The following TENM2 variants were observed in gnomAD, a reference collection of about 807,000 sequenced individuals.
The protein encoded by TENM2 is teneurin transmembrane protein 2.
A neutral mutation model predicts 245.2 loss-of-function variants in TENM2; 52 were observed. The observed-to-expected ratio is 0.21, with a 90% CI of 0.17 to 0.27. The LOEUF (loss-of-function observed/expected upper bound fraction) is 0.27. Ranked by LOEUF, TENM2 falls within the 10% of genes least tolerant of loss-of-function variation. TENM2 has a pLI of 1.00. For synonymous variants in TENM2, 1,363 were observed against 1,438.9 expected (o/e 0.95, Z 1.19); for missense variants, 3,046 against 3,666.8 (o/e 0.83, Z 4.37).
At chr5:168,026,652 G>C (rs765495110) in intron 5 of TENM2, among the ~76,000 whole-genome samples, 8 of 152,186 alleles carry the variant, frequency 5.3e-5, no homozygotes, top group Non-Finnish European at 1.0e-4. Flanking sequence ...CAGGAGCACA[G>C]CTATGTTACT....
rs1054128478 is a variant in TENM2, at chr5:167,375,197, G to A, written c.227-1G>A. 1 of 1,551,182 alleles carries A rather than the reference G, an allele frequency of 6.4e-7. No individual in the cohort carries two copies. The highest frequency in any genetic ancestry group is 8.7e-7 in the Non-Finnish European group (1 of 1,146,894). ...CAGCTTCTCTGTCACTGTCACCCTA[G>A]GAACCAACTTCACCCTTGCCGAACT... On this transcript the variant is annotated splice_acceptor_variant, in intron 1 of 28. Transcript: ENST00000518659. LOFTEE classifies it high-confidence loss of function.
At chr5:168,031,187 C>A (rs957034904) in intron 5 of TENM2, among the ~76,000 whole-genome samples, 2 of 152,160 alleles carry the variant, frequency 1.3e-5, no homozygotes, top group African/African-American at 4.8e-5. Context: ...TGAATGGGAT[C>A]GGGGATCTGT....
At chr5:167,492,043 T>C (rs1446211775) in intron 2 of TENM2, among the ~76,000 whole-genome samples, 1 of 152,168 alleles carries the variant, frequency 6.6e-6, no homozygotes, top group African/African-American at 2.4e-5. Flanking sequence ...ATTTTAAAGG[T>C]TAAAAGAGTT....
chr5:167,075,547 G>T, the TENM2 span, among the ~76,000 whole-genome samples: 1 of 152,164 alleles, frequency 6.6e-6, no homozygotes, highest in Non-Finnish European at 1.5e-5. Context: ...AAGTTCAGAG[G>T]ATGAAAGCTT....
intron 2 of TENM2, among the ~76,000 whole-genome samples, chr5:167,563,319 T>G (rs1377228185): frequency 6.6e-6 from 1 of 152,232 alleles, no homozygotes; most frequent in East Asian, 1.9e-4. Context: ...AGCCTTTCCA[T>G]GGTGGCTATT....
At chr5:168,065,528 T>C (rs1790419447) in intron 7 of TENM2, among the ~76,000 whole-genome samples, 1 of 152,180 alleles carries the variant, frequency 6.6e-6, no homozygotes, top group East Asian at 1.9e-4. Context: ...GAAAGCGCAA[T>C]AGAAAGCTAT....
chr5:167,219,976 G>C, the TENM2 span, among the ~76,000 whole-genome samples: 38 of 152,200 alleles, frequency 2.5e-4, no homozygotes, highest in Admixed American at 2.5e-3. Context: ...ATTTGAGGTA[G>C]ATAAACTTGA....
chr5:167,563,948 G>A (rs575799703), intron 2 of TENM2, among the ~76,000 whole-genome samples: 32 of 152,218 alleles, frequency 2.1e-4, no homozygotes, highest in East Asian at 1.6e-3. Flanking sequence ...TGACAAAATC[G>A]CCTAAGGATT....
the TENM2 span, among the ~76,000 whole-genome samples, chr5:167,031,837 T>G: frequency 2.0e-5 from 3 of 152,206 alleles, no homozygotes; most frequent in Admixed American, 6.5e-5. Context: ...AATGTGGGAT[T>G]ACAGGTTTGA....
the TENM2 span, among the ~76,000 whole-genome samples, chr5:167,168,848 C>T: frequency 2.0e-5 from 3 of 152,186 alleles, no homozygotes; most frequent in Admixed American, 1.3e-4. Flanking sequence ...CAACCTCTGC[C>T]TCCTGGATTC....
At chr5:167,628,991 G>C (rs546598170) in intron 2 of TENM2, among the ~76,000 whole-genome samples, 1 of 152,212 alleles carries the variant, frequency 6.6e-6, no homozygotes, top group African/African-American at 2.4e-5. Flanking sequence ...ATAAATTAAT[G>C]ATAATTATCA....
At chr5:167,609,198 C>T (rs1004538610) in intron 2 of TENM2, among the ~76,000 whole-genome samples, 4 of 152,040 alleles carry the variant, frequency 2.6e-5, no homozygotes, top group African/African-American at 9.7e-5. Flanking sequence ...GGGCCAGTCA[C>T]ACACTACCAT....
chr5:167,640,220 C>T (rs1779464569), intron 2 of TENM2, among the ~76,000 whole-genome samples: 3 of 152,200 alleles, frequency 2.0e-5, no homozygotes, highest in African/African-American at 7.2e-5. Flanking sequence ...CGTAACCTCC[C>T]CGGACTTTGG....
intron 4 of TENM2, among the ~76,000 whole-genome samples, chr5:167,954,769 A>G (rs1298732525): frequency 6.6e-6 from 1 of 152,170 alleles, no homozygotes; most frequent in Non-Finnish European, 1.5e-5. Flanking sequence ...TTCCCGCTTC[A>G]TTCATGTCCC....
chr5:167,803,573 T>C (rs1236386939), intron 2 of TENM2, among the ~76,000 whole-genome samples: 1 of 152,044 alleles, frequency 6.6e-6, no homozygotes, highest in Non-Finnish European at 1.5e-5. Flanking sequence ...TATTTTCCAT[T>C]ACCAGGACAC....
upstream of TENM2, among the ~76,000 whole-genome samples, chr5:167,284,250 TTGAATG>T (rs146024330): frequency 0.088 from 13,464 of 152,294 alleles, 770 homozygotes; most frequent in East Asian, 0.18. Context: ...GTTATGTTAG[TTGAATG>T]TGACTTGGTA....
chr5:167,706,963 C>T (rs1046897771), intron 2 of TENM2, among the ~76,000 whole-genome samples: 3 of 144,408 alleles, frequency 2.1e-5, no homozygotes, highest in African/African-American at 7.9e-5. Flanking sequence ...TGCAGTGAGC[C>T]GAGATCGCGC....
chr5:167,325,785 C>T (rs1757040674), intron 1 of TENM2, among the ~76,000 whole-genome samples: 1 of 152,184 alleles, frequency 6.6e-6, no homozygotes, highest in Non-Finnish European at 1.5e-5. Flanking sequence ...GTTGTTCTGG[C>T]ATAGAAGATG....
At chr5:167,798,615 G>A (rs910993002) in intron 2 of TENM2, among the ~76,000 whole-genome samples, 3 of 152,196 alleles carry the variant, frequency 2.0e-5, no homozygotes, top group Admixed American at 6.5e-5. Flanking sequence ...CAGAGCGGGC[G>A]TAGTATTCCA....
Sources: allele counts gnomAD v4.1 joint callset (sites outside exome capture counted in the v4.1 genomes callset), GRCh38; gene constraint gnomAD v4.1.1; transcripts MANE v1.5; gene names NCBI Gene and HGNC (gene_info 2026-07-23, HGNC 2026-07-21).